The following INPP4B variants were observed in gnomAD, a reference collection of about 807,000 sequenced individuals.
INPP4B encodes inositol polyphosphate-4-phosphatase type II B, also known as inositol polyphosphate 4-phosphatase type II.
Under a neutral mutation model 122.5 loss-of-function variants are expected in INPP4B, and 55 were observed. The ratio of observed to expected loss-of-function variants is 0.45; its 90% confidence interval spans 0.36 to 0.56. The LOEUF is 0.56. INPP4B is among the 20% of genes least tolerant of loss of function. INPP4B has a pLI of 0.00. For missense variants in INPP4B, 1,000 were observed against 1,097.7 expected (o/e 0.91, Z 1.26); for synonymous variants, 403 against 388.7 (o/e 1.04, Z -0.43).
At chr4:142,471,522 T>C (rs1818823108) in intron 2 of INPP4B, among the ~76,000 whole-genome samples, 1 of 152,156 alleles carries the variant, frequency 6.6e-6, no homozygotes, top group Non-Finnish European at 1.5e-5. Flanking sequence ...AGAACAAATA[T>C]ATGGCCTAGG....
intron 23 of INPP4B, among the ~76,000 whole-genome samples, chr4:142,097,688 A>G (rs1482176876): frequency 6.6e-6 from 1 of 152,170 alleles, no homozygotes; most frequent in Non-Finnish European, 1.5e-5. Context: ...CAGCCATCCT[A>G]CAGACTTTCT....
intron 2 of INPP4B, among the ~76,000 whole-genome samples, chr4:142,671,808 C>T (rs10012389): frequency 0.076 from 11,515 of 152,126 alleles, 479 homozygotes; most frequent in South Asian, 0.1. Context: ...TACCCTTTTA[C>T]TGTATAATTT....
intron 21 of INPP4B, among the ~76,000 whole-genome samples, chr4:142,118,285 A>G (rs1794754316): frequency 6.6e-6 from 1 of 152,146 alleles, no homozygotes; most frequent in Non-Finnish European, 1.5e-5. Flanking sequence ...CAGAATTGGA[A>G]AAAACTACTT....
At chr4:142,760,623 T>A (rs1441203422) in intron 1 of INPP4B, among the ~76,000 whole-genome samples, 1 of 152,130 alleles carries the variant, frequency 6.6e-6, no homozygotes, top group Non-Finnish European at 1.5e-5. Context: ...TCATGTTACA[T>A]GAGAACAGCT....
At chr4:142,601,882 T>C (rs1460562981) in intron 2 of INPP4B, among the ~76,000 whole-genome samples, 2 of 138,932 alleles carry the variant, frequency 1.4e-5, no homozygotes, top group Non-Finnish European at 3.0e-5. Flanking sequence ...GGCAGGAGAA[T>C]GGCGTGAACC....
intron 2 of INPP4B, among the ~76,000 whole-genome samples, chr4:142,647,659 G>A (rs922101174): frequency 5.0e-4 from 76 of 152,144 alleles, no homozygotes; most frequent in African/African-American, 1.8e-3. Context: ...GCACAGTGCA[G>A]CTAAAAGGGC....
intron 1 of INPP4B, among the ~76,000 whole-genome samples, chr4:142,774,762 C>T (rs1773593475): frequency 6.6e-6 from 1 of 151,940 alleles, no homozygotes; most frequent in South Asian, 2.1e-4. Context: ...AGAAAAATTG[C>T]AAAAATAGGG....
rs148808310 is a variant in INPP4B at position 142,710,860 on chromosome 4, T to C, written c.-191+14979A>G. ...TCATATCTTGTTAAAACTTGCACTG[T>C]CTTTGCTTTTGTGACAACACAAATG... is the stretch of plus-strand genomic sequence containing the variant. On this transcript the variant is annotated intron_variant, in intron 2 of 25. Transcript: ENST00000262992. 7.7e-3 allele frequency among the ~76,000 whole-genome samples: 1,167 copies of C among 152,370 alleles called. 5 individuals carry two copies. The highest frequency in any genetic ancestry group is 0.013 in the Non-Finnish European group (876 of 68,026).
intron 2 of INPP4B, among the ~76,000 whole-genome samples, chr4:142,720,612 T>C (rs1764400619): frequency 6.6e-6 from 1 of 150,700 alleles, no homozygotes; most frequent in East Asian, 2.0e-4. Context: ...TGTCTTTTAA[T>C]TTGTATTATT....
chr4:142,358,732 A>T (rs1370398143), intron 7 of INPP4B, among the ~76,000 whole-genome samples: 1 of 151,882 alleles, frequency 6.6e-6, no homozygotes, highest in South Asian at 2.1e-4. Context: ...TATCTCTCAA[A>T]TTCCTCCCAC....
chr4:142,043,776 C>T (rs1749654750), intron 25 of INPP4B, among the ~76,000 whole-genome samples: 1 of 152,090 alleles, frequency 6.6e-6, no homozygotes, highest in Non-Finnish European at 1.5e-5. Flanking sequence ...ATGACAAACA[C>T]AGACATCATT....
chr4:142,573,387 A>G (rs1733233023), intron 2 of INPP4B, among the ~76,000 whole-genome samples: 1 of 152,050 alleles, frequency 6.6e-6, no homozygotes, highest in Non-Finnish European at 1.5e-5. Context: ...AGGACCCACA[A>G]CCATTTAGGT....
At chr4:142,640,478 T>A (rs1013240587) in intron 2 of INPP4B, among the ~76,000 whole-genome samples, 1 of 152,056 alleles carries the variant, frequency 6.6e-6, no homozygotes, top group Non-Finnish European at 1.5e-5. Flanking sequence ...TGGATACTGA[T>A]ATAAAAAATA....
intron 17 of INPP4B, among the ~76,000 whole-genome samples, chr4:142,156,815 C>A (rs1331893475): frequency 6.6e-6 from 1 of 152,072 alleles, no homozygotes; most frequent in African/African-American, 2.4e-5. Context: ...TTACCTGCAT[C>A]AGCCGGGTAG....
chr4:142,809,842 A>T (rs1380212481), intron 1 of INPP4B, among the ~76,000 whole-genome samples: 1 of 152,066 alleles, frequency 6.6e-6, no homozygotes, highest in Non-Finnish European at 1.5e-5. Flanking sequence ...AGAAAAAAAA[A>T]AATCCACGGG....
Position 142,326,126 on chromosome 4 carries a change from C to G in INPP4B, c.373-11364G>C, listed in dbSNP as rs72941144. ...TCCTCCATAGTACTTATTTCTGGTT[C>G]TTCCTGAAATGAACAGTAGGCTGGG... On this transcript the variant is annotated intron_variant, in intron 7 of 25. Transcript: ENST00000262992. Among the ~76,000 whole-genome samples, 1,040 of 152,306 alleles carry G rather than the reference C, an allele frequency of 6.8e-3. 10 individuals are homozygous for G. Among genetic ancestry groups the G allele is most frequent in the African/African-American group, 0.024 (988 of 41,558 alleles).
chr4:142,115,448 C>T lies in INPP4B; in HGVS notation c.2136-2766G>A, dbSNP rs568646626. On this transcript the variant is annotated intron_variant, in intron 21 of 25. Coordinates refer to ENST00000262992, the MANE Select transcript of INPP4B (RefSeq NM_001101669.3). ...TACCCACAAAGGGAAGCCCATCAGA[C>T]TAACAGCAGATCTCTTGGCAGAAAC... Among the ~76,000 whole-genome samples the T allele has an allele frequency of 7.2e-5, 11 of 152,286 alleles. No individual in the cohort carries two copies. The East Asian group carries it at 2.1e-3, about 29-fold the overall frequency.
At chr4:142,154,879 C>G (rs1816344023) in intron 17 of INPP4B, among the ~76,000 whole-genome samples, 1 of 151,834 alleles carries the variant, frequency 6.6e-6, no homozygotes, top group South Asian at 2.1e-4. Flanking sequence ...TTTTTCCTAT[C>G]AAAGCTTATA....
At chr4:142,346,651 AG>A (rs1402542429) in intron 7 of INPP4B, among the ~76,000 whole-genome samples, 2 of 152,048 alleles carry the variant, frequency 1.3e-5, no homozygotes, top group Non-Finnish European at 2.9e-5. Context: ...CTACTTAAAA[AG>A]ATAAATTTTC....
Sources: gnomAD v4.1 joint callset for allele counts (sites outside exome capture counted in the v4.1 genomes callset) on GRCh38, gnomAD v4.1.1 for gene constraint, MANE v1.5 for transcripts, NCBI Gene and HGNC (gene_info 2026-07-23, HGNC 2026-07-21) for gene names.